AP4E1: variants seen among roughly 807,000 people sequenced by gnomAD.
The protein encoded by AP4E1 is adaptor related protein complex 4 subunit epsilon 1.
AP4E1 carries 56 observed loss-of-function variants against 128.2 expected under a neutral mutation model. That is an observed-to-expected ratio of 0.44 (90% CI 0.35 to 0.55). AP4E1 has a LOEUF of 0.55. AP4E1 is among the 20% of genes least tolerant of loss of function. AP4E1 has a pLI of 0.00. For missense variants in AP4E1, 1,324 were observed against 1,307.7 expected (o/e 1.01, Z -0.19); for synonymous variants, 484 against 473.1 (o/e 1.02, Z -0.30).
rs764038530 is a variant in AP4E1 at position 50,948,007 on chromosome 15, C to T, written c.1177-13C>T. The stretch of plus-strand genomic sequence containing the variant: ...TTTTATAATATTGTTTTTAATTTTT[C>T]TTCTTTAAATAGACTCTGGAACTTC... On this transcript the variant is annotated splice_polypyrimidine_tract_variant and intron_variant, in intron 10 of 20. Coordinates refer to ENST00000261842, the MANE Select transcript of AP4E1 (RefSeq NM_007347.5). 5.7e-6 allele frequency: 9 copies of T among 1,567,192 alleles called. No homozygotes were observed. The African/African-American group carries it at 1.1e-4, about 19-fold the overall frequency.
In AP4E1 at chr15:50,950,072, A is replaced by G. The variant is rs773569377; in HGVS notation, c.1451A>G (p.Asp484Gly). ...LAEGFDDETE[D>G]QQLRLYAVQS... is the part of the protein sequence containing the mutation. ...GTAGGTTTTGATGATGAAACAGAAG[A>G]TCAGCAATTAAGACTCTATGCAGTT... Residue 484 changes from aspartate to glycine, a missense_variant, in exon 13 of 21, where the codon GAT becomes GGT. Coordinates refer to ENST00000261842, the MANE Select transcript of AP4E1 (RefSeq NM_007347.5). The G allele has an allele frequency of 2.5e-6, 4 of 1,613,148 alleles. No homozygotes were observed. Among genetic ancestry groups the G allele is most frequent in the Non-Finnish European group, 3.4e-6 (4 of 1,179,470 alleles).
chr15:50,928,743 A>G (rs904416062), intron 5 of AP4E1, among the ~76,000 whole-genome samples: 1 of 150,178 alleles, frequency 6.7e-6, no homozygotes, highest in Non-Finnish European at 1.5e-5. Flanking sequence ...CAAAAGTAAT[A>G]TATGCTTGTT....
At chr15:50,971,721 A>G (rs2140898699) in intron 15 of AP4E1, among the ~76,000 whole-genome samples, 1 of 151,788 alleles carries the variant, frequency 6.6e-6, no homozygotes, top group African/African-American at 2.4e-5. Context: ...TCTGCTTTCT[A>G]ATGTGTTGTT....
At chr15:50,968,413 A>G (rs909609449) in intron 15 of AP4E1, 36 bp downstream of exon 15, 2 of 1,445,302 alleles carry the variant, frequency 1.4e-6, no homozygotes, top group Non-Finnish European at 1.9e-6. Context: ...GCTAGAGTGT[A>G]GGGATGTAAT....
chr15:50,923,623 A>ATTGTGCTTTG (rs2063733994), intron 3 of AP4E1, among the ~76,000 whole-genome samples: 1 of 152,184 alleles, frequency 6.6e-6, no homozygotes, highest in Non-Finnish European at 1.5e-5. Context: ...TTGATTGATA[A>ATTGTGCTTTG]TGTAAAGATT....
chr15:50,945,643 GT>G (rs1379623560), intron 10 of AP4E1: 1 of 775,504 alleles, frequency 1.3e-6, no homozygotes, highest in African/African-American at 1.7e-5. Context: ...AATGCAACAT[GT>G]TATCTGTGTA....
intron 13 of AP4E1, among the ~76,000 whole-genome samples, chr15:50,952,306 C>T (rs1216904517): frequency 2.0e-5 from 3 of 151,858 alleles, no homozygotes; most frequent in East Asian, 2.0e-4. Flanking sequence ...GTCAGGAGAT[C>T]GAGACCATCC....
At chr15:50,960,265 C>T (rs944507872) in intron 14 of AP4E1, among the ~76,000 whole-genome samples, 3 of 152,064 alleles carry the variant, frequency 2.0e-5, no homozygotes, top group Admixed American at 6.6e-5. Flanking sequence ...TCAGTCTAGA[C>T]CAAATGGACC....
In AP4E1 at chr15:50,970,550, G is replaced by A. The variant is rs116740177; in HGVS notation, c.1966+2173G>A. The stretch of plus-strand genomic sequence containing the variant: ...TTATATATTTGGATGCTCTGGTGTT[G>A]GGTACATATATATTTATAATTGTTA... On this transcript the variant is annotated intron_variant, in intron 15 of 20. Transcript: ENST00000261842. Among the ~76,000 whole-genome samples the A allele has an allele frequency of 4.4e-3, 676 of 152,184 alleles. 4 individuals are homozygous for A. The highest frequency in any genetic ancestry group is 0.015 in the African/African-American group (633 of 41,524).
At chr15:50,976,207 G>A (rs948343771) in intron 15 of AP4E1, among the ~76,000 whole-genome samples, 1 of 151,982 alleles carries the variant, frequency 6.6e-6, no homozygotes, top group Admixed American at 6.6e-5. Context: ...TTTATCCTAG[G>A]GATCCAAGGA....
Position 50,908,842 on chromosome 15 carries a change from G to A in AP4E1, c.64G>A (p.Gly22Ser), listed in dbSNP as rs762851995. The A allele has an allele frequency of 3.1e-6, 5 of 1,608,360 alleles. No individual in the cohort carries two copies. Among genetic ancestry groups the A allele is most frequent in the East Asian group, 2.2e-5 (1 of 44,694 alleles). The change falls in exon 1 of 21, where the codon GGT becomes AGT. Residue 22 changes from glycine (G) to serine (S), a missense_variant. Physicochemically the swap from Gly to Ser is moderately conservative, Grantham distance 56. Coordinates refer to ENST00000261842, the MANE Select transcript of AP4E1 (RefSeq NM_007347.5). ...LPGLFLQNQP[G>S]GGPAAAKASF... is the part of the protein sequence containing the mutation. ...GGGACTCTTTCTGCAGAACCAGCCC[G>A]GTGGTGGGCCCGCGGCCGCCAAGGC...
intron 3 of AP4E1, among the ~76,000 whole-genome samples, chr15:50,922,338 C>T (rs539655521): frequency 2.0e-5 from 3 of 151,924 alleles, no homozygotes; most frequent in East Asian, 3.9e-4. Context: ...TCTCAGGAAA[C>T]GAAACAAAAC....
In AP4E1 at chr15:50,997,729, A is replaced by G; in HGVS notation, c.2750A>G (p.Asn917Ser). Residue 917 changes from asparagine to serine, a missense_variant, in exon 18 of 21, where the codon AAT (asparagine) becomes AGT (serine). Coordinates refer to ENST00000261842, the MANE Select transcript of AP4E1 (RefSeq NM_007347.5). ...GAAACTACTGAATACATACACTCAAATGCTATGGAAGTCTGTAATAATGAA... is the reference window on the plus strand; with the variant it reads ...GAAACTACTGAATACATACACTCAAGTGCTATGGAAGTCTGTAATAATGAA... ...LEETTEYIHS[N>S]AMEVCNNETI... 6.2e-7 allele frequency: 1 copy of G among 1,613,942 alleles called. No homozygotes were observed. Among genetic ancestry groups the G allele is most frequent in the Non-Finnish European group, 8.5e-7 (1 of 1,179,974 alleles).
chr15:50,954,501 T>C (rs886195768), intron 13 of AP4E1, among the ~76,000 whole-genome samples: 4 of 152,212 alleles, frequency 2.6e-5, no homozygotes, highest in Non-Finnish European at 5.9e-5. Flanking sequence ...TTGGGACTTA[T>C]CTTTGAGTCA....
intron 13 of AP4E1, among the ~76,000 whole-genome samples, chr15:50,950,481 A>T (rs1236767317): frequency 1.3e-5 from 2 of 152,128 alleles, no homozygotes; most frequent in Non-Finnish European, 2.9e-5. Flanking sequence ...TTTCTTTTTT[A>T]AAAAATTATA....
At chr15:50,990,097 T>C (rs1450653181) in intron 16 of AP4E1, among the ~76,000 whole-genome samples, 1 of 152,062 alleles carries the variant, frequency 6.6e-6, no homozygotes, top group African/African-American at 2.4e-5. Context: ...ATCCCTAGTC[T>C]TTTGAAGGTT....
chr15:50,929,605 G>C (rs2063807662), intron 6 of AP4E1, among the ~76,000 whole-genome samples: 1 of 151,830 alleles, frequency 6.6e-6, no homozygotes, highest in Non-Finnish European at 1.5e-5. Flanking sequence ...TGAATGTTAT[G>C]GTAAAACACT....
At chr15:50,995,270 CTCTATTGATGTATT>C (rs545015903) in intron 17 of AP4E1, among the ~76,000 whole-genome samples, 2 of 152,182 alleles carry the variant, frequency 1.3e-5, no homozygotes, top group East Asian at 3.9e-4. Flanking sequence ...TACATCAAGG[CTCTATTGATGTATT>C]TCATTTTAAC....
chr15:50,982,984 A>G (rs572426965), intron 15 of AP4E1, among the ~76,000 whole-genome samples: 4 of 152,340 alleles, frequency 2.6e-5, no homozygotes, highest in East Asian at 1.9e-4. Context: ...TTTATGATTT[A>G]AAAAGGTCCT....
Sources: gnomAD v4.1 joint callset for allele counts (sites outside exome capture counted in the v4.1 genomes callset) on GRCh38, gnomAD v4.1.1 for gene constraint, MANE v1.5 for transcripts, NCBI Gene and HGNC (gene_info 2026-07-23, HGNC 2026-07-21) for gene names.